Variants in LUC7L observed in about 807,000 individuals in gnomAD.
LUC7L encodes putative RNA-binding protein Luc7-like 1.
A neutral mutation model predicts 51.1 loss-of-function variants in LUC7L; 29 were observed. The ratio of observed to expected loss-of-function variants is 0.57; its 90% confidence interval spans 0.42 to 0.77. The LOEUF (loss-of-function observed/expected upper bound fraction) is 0.77. Among genes scored for constraint, LUC7L ranks in the 30% least tolerant of loss-of-function variants. The pLI is 0.00. For missense variants in LUC7L, 403 were observed against 511.9 expected (o/e 0.79, Z 2.05); for synonymous variants, 181 against 180.7 (o/e 1.00, Z -0.01).
At chr16:228,774 C>A in intron 1 of LUC7L, 1 of 1,283,060 alleles carries the variant, frequency 7.8e-7, no homozygotes, top group Non-Finnish European at 1.0e-6. Context: ...TGGAAAAGTA[C>A]TTGGCAGAAA....
rs1471253644 is a variant in LUC7L, at chr16:190,149, A to G, written c.807-14T>C. 6.2e-7 allele frequency: 1 copy of G among 1,604,694 alleles called. No individual in the cohort carries two copies. Among genetic ancestry groups the G allele is most frequent in the South Asian group, 1.1e-5 (1 of 90,796 alleles). On this transcript the variant is annotated splice_polypyrimidine_tract_variant and intron_variant, in intron 8 of 9. Transcript: ENST00000293872. ...CGGGAGCGTGACCTGAACAATCAGA[A>G]GGCTCCAAGGCTGAGACTCTATAGG...
rs566572289 is a variant in LUC7L, at chr16:199,548, G to A, written c.511-310C>T. Among the ~76,000 whole-genome samples, 18 of 151,196 alleles carry A rather than the reference G, an allele frequency of 1.2e-4. No individual in the cohort carries two copies. The South Asian group carries it at 3.0e-3, about 25-fold the overall frequency. Reference sequence around the variant, plus strand: ...GCACTTTGGGAGGCTGAGGCTGGCGGATCACCTGAGGTCCGGAGTTCAAGA... The same window carrying A: ...GCACTTTGGGAGGCTGAGGCTGGCGAATCACCTGAGGTCCGGAGTTCAAGA... On this transcript the variant is annotated intron_variant, in intron 5 of 9. Transcript: ENST00000293872.
intron 6 of LUC7L, among the ~76,000 whole-genome samples, chr16:198,441 G>A (rs1320317669): frequency 6.6e-6 from 1 of 152,088 alleles, no homozygotes. Flanking sequence ...CAGGATGTGT[G>A]ACACTCTGTC....
At chr16:220,139 C>T (rs1053380250) in intron 3 of LUC7L, 1 of 152,338 alleles carries the variant, frequency 6.6e-6, no homozygotes, top group Non-Finnish European at 1.5e-5. Flanking sequence ...TAGGAATATA[C>T]CCAAAATAAA....
intron 1 of LUC7L, chr16:228,769 A>G: frequency 7.8e-7 from 1 of 1,280,532 alleles, no homozygotes; most frequent in South Asian, 1.3e-5. Context: ...GCAGCTGGAA[A>G]AGTACTTGGC....
chr16:189,390 T>C, intron 9 of LUC7L, 51 bp from the exon 10 acceptor site: 5 of 1,565,608 alleles, frequency 3.2e-6, no homozygotes, highest in Non-Finnish European at 4.3e-6. Context: ...CCCCTTCTGC[T>C]GGCCGCTCAG....
chr16:206,352 T>C (rs1040502582), intron 4 of LUC7L, among the ~76,000 whole-genome samples: 3 of 152,186 alleles, frequency 2.0e-5, no homozygotes, highest in South Asian at 2.1e-4. Context: ...AGTGGCACCT[T>C]TGTCACTTCC....
intron 2 of LUC7L, 103 bp downstream of exon 2, chr16:227,137 GAA>G: frequency 2.3e-6 from 2 of 865,704 alleles, no homozygotes; most frequent in Non-Finnish European, 1.8e-6. Flanking sequence ...GCCACTTAGA[GAA>G]AAAGAGACTT....
chr16:216,784 C>T (rs1354051175), intron 3 of LUC7L, among the ~76,000 whole-genome samples: 1 of 152,106 alleles, frequency 6.6e-6, no homozygotes, highest in Non-Finnish European at 1.5e-5. Flanking sequence ...TACATTTTCA[C>T]ATAGGACAAA....
Position 220,705 on chromosome 16 carries a change from G to C in LUC7L, c.199C>G (p.Leu67Val). 1 of 1,614,040 alleles carries C rather than the reference G, an allele frequency of 6.2e-7. No homozygotes were observed. The highest frequency in any genetic ancestry group is 8.5e-7 in the Non-Finnish European group (1 of 1,179,970). The change falls in exon 3 of 10, where the codon CTC (leucine) becomes GTC (valine). Residue 67 changes from leucine to valine, a missense_variant. Around this residue, in one of 3 missense-constraint regions of LUC7L, gnomAD observed 182 missense variants for 248.4 expected, o/e 0.73. Transcript: ENST00000293872. Reference protein sequence around the residue: ...GECTKIHDLALRADYEIASKE... With the variant: ...GECTKIHDLAVRADYEIASKE... ...CTTGCAATCTCATAATCTGCTCGGA[G>C]GGCCAAGTCGTGGATTTTGGTACAT...
At chr16:227,602 CT>C (rs1567196601) in intron 1 of LUC7L, 2 of 1,272,538 alleles carry the variant, frequency 1.6e-6, no homozygotes, top group Non-Finnish European at 2.0e-6. Context: ...ACGTAAACAG[CT>C]GAGCACCAAA....
chr16:210,833 C>A (rs540390860), intron 3 of LUC7L, among the ~76,000 whole-genome samples: 1 of 148,862 alleles, frequency 6.7e-6, no homozygotes, highest in African/African-American at 2.5e-5. Context: ...GGGCGGATCA[C>A]GGGGTCAGGA....
At chr16:225,806 AAAAGAAAAG>A (rs543030284) in intron 2 of LUC7L, among the ~76,000 whole-genome samples, 7,363 of 142,048 alleles carry the variant, frequency 0.052, 208 homozygotes, top group Non-Finnish European at 0.068. Context: ...CTCAAAAAAA[AAAAGAAAAG>A]AAAAGAAAAG....
chr16:216,324 G>A (rs972374801), intron 3 of LUC7L, among the ~76,000 whole-genome samples: 2 of 151,412 alleles, frequency 1.3e-5, no homozygotes, highest in African/African-American at 4.9e-5. Flanking sequence ...AATTCTTTGA[G>A]TGAGGAGGAC....
At chr16:195,414 CA>C (rs1362935660) in intron 6 of LUC7L, among the ~76,000 whole-genome samples, 3 of 151,724 alleles carry the variant, frequency 2.0e-5, no homozygotes, top group Non-Finnish European at 2.9e-5. Context: ...CCCTGGGTGC[CA>C]GAGGGAGACC....
At chr16:208,270 C>T (rs1428441638) in intron 3 of LUC7L, 82 bp from the exon 4 acceptor site, 2 of 1,000,236 alleles carry the variant, frequency 2.0e-6, no homozygotes, top group African/African-American at 3.3e-5. Context: ...ATAGGAAATA[C>T]ACTCCTAGGT....
chr16:217,039 G>C (rs1466937005), intron 3 of LUC7L, among the ~76,000 whole-genome samples: 1 of 151,706 alleles, frequency 6.6e-6, no homozygotes, highest in African/African-American at 2.4e-5. Context: ...TTGAGACAGA[G>C]TTTCGCTCTG....
At chr16:227,600 A>T in intron 1 of LUC7L, 1 of 1,277,958 alleles carries the variant, frequency 7.8e-7, no homozygotes, top group Non-Finnish European at 1.0e-6. Context: ...AGACGTAAAC[A>T]GCTGAGCACC....
chr16:227,112 A>G lies in LUC7L; in HGVS notation c.156+130T>C, dbSNP rs544393896. Reference sequence around the variant, plus strand: ...CAAACATACATACGAGTGGAGGAACACCTGCCATAATTAAGCCACTTAGAG... The same window carrying G: ...CAAACATACATACGAGTGGAGGAACGCCTGCCATAATTAAGCCACTTAGAG... On this transcript the variant is annotated intron_variant, in intron 2 of 9. Coordinates refer to ENST00000293872, the MANE Select transcript of LUC7L (RefSeq NM_201412.3). 6 of 676,884 alleles carry G rather than the reference A, an allele frequency of 8.9e-6. No homozygotes were observed. The African/African-American group carries it at 9.0e-5, about 10-fold the overall frequency. The allele number at this position is 676,884 out of a possible 1,614,324, so 41.9% of individuals were successfully genotyped here.
Sources: allele counts gnomAD v4.1 joint callset (sites outside exome capture counted in the v4.1 genomes callset), GRCh38; gene constraint gnomAD v4.1.1; regional missense constraint gnomAD v4.1.1; transcripts MANE v1.5; gene names NCBI Gene and HGNC (gene_info 2026-07-23, HGNC 2026-07-21).